The following ITGB5 variants were observed in gnomAD, a reference collection of about 807,000 sequenced individuals.
ITGB5 encodes integrin subunit beta 5.
ITGB5 carries 38 observed loss-of-function variants against 84.8 expected under a neutral mutation model. The observed-to-expected ratio is 0.45, with a 90% CI of 0.35 to 0.59. The LOEUF is 0.59. ITGB5 is among the 20% of genes least tolerant of loss of function. The pLI is 0.01. For synonymous variants in ITGB5, 393 were observed against 414.4 expected (o/e 0.95, Z 0.63); for missense variants, 905 against 1,034.5 (o/e 0.87, Z 1.72).
At chr3:124,811,398 C>T (rs7646206) in intron 8 of ITGB5, among the ~76,000 whole-genome samples, 10,814 of 152,036 alleles carry the variant, frequency 0.071, 934 homozygotes, top group African/African-American at 0.2. Context: ...AATTTATAAC[C>T]GTGAATAAGT....
chr3:124,851,544 G>A (rs553898878), intron 3 of ITGB5, among the ~76,000 whole-genome samples: 5 of 151,204 alleles, frequency 3.3e-5, no homozygotes, highest in Admixed American at 3.3e-4. Context: ...ATCCTAAGAG[G>A]CTATCTATTC....
chr3:124,841,057 T>C (rs2065004042), intron 5 of ITGB5, among the ~76,000 whole-genome samples: 2 of 152,252 alleles, frequency 1.3e-5, no homozygotes, highest in Admixed American at 1.3e-4. Context: ...TCTATGCCTA[T>C]GACTTGACCT....
rs148412736 is a variant in ITGB5 at position 124,856,030 on chromosome 3, C to T, written c.361+3212G>A. ...TTCATCTAGACTGGAGCCTCAAACT[C>T]CTGGGTTCAAGGGATCCTTCCACCT... is the stretch of plus-strand genomic sequence containing the variant. On this transcript the variant is annotated intron_variant, in intron 3 of 14. Transcript: ENST00000296181. 9.4e-3 allele frequency among the ~76,000 whole-genome samples: 1,432 copies of T among 152,116 alleles called. 29 individuals are homozygous for T. Among genetic ancestry groups the T allele is most frequent in the African/African-American group, 0.032 (1,333 of 41,484 alleles).
chr3:124,775,136 C>A (rs866870756), intron 10 of ITGB5, among the ~76,000 whole-genome samples: 11 of 152,152 alleles, frequency 7.2e-5, no homozygotes, highest in Non-Finnish European at 1.6e-4. Flanking sequence ...GGTGGAGAGG[C>A]GGGGGCTGCC....
In ITGB5 at chr3:124,814,132, C is replaced by T. The variant is rs560049453; in HGVS notation, c.1128+3489G>A. Among the ~76,000 whole-genome samples, 14 of 152,176 alleles carry T rather than the reference C, an allele frequency of 9.2e-5. No homozygotes were observed. In the East Asian group the frequency reaches 2.7e-3, roughly 29 times the overall value. On this transcript the variant is annotated intron_variant, in intron 8 of 14. Coordinates refer to ENST00000296181, the MANE Select transcript of ITGB5 (RefSeq NM_002213.5). Reference sequence around the variant, plus strand: ...TTATATTAGGAACTAGGGGCAGAGACCTATATATATATCTTATCGTACCAC... The same window carrying T: ...TTATATTAGGAACTAGGGGCAGAGATCTATATATATATCTTATCGTACCAC...
At chr3:124,861,193 T>C (rs2065292016) in intron 2 of ITGB5, among the ~76,000 whole-genome samples, 1 of 151,724 alleles carries the variant, frequency 6.6e-6, no homozygotes, top group Non-Finnish European at 1.5e-5. Flanking sequence ...GGGTTGTTTT[T>C]TTTTAATAAC....
At position 124,859,395 on chromosome 3, in the gene ITGB5, G is replaced by T; in HGVS notation, c.208C>A (p.Leu70Ile). Residue 70 changes from leucine to isoleucine, a missense_variant, in exon 3 of 15, where the codon CTT becomes ATT. Physicochemically the swap from Leu to Ile is conservative, Grantham distance 5. This residue lies in a region of ITGB5 where 656 missense variants were observed against 734.7 expected (regional missense o/e 0.89). Transcript: ENST00000296181. ...ITSRCDLRAN[L>I]VKNGCGGEIE... is the part of the protein sequence containing the mutation. Reference sequence around the variant, plus strand: ...TCACCTCCACAGCCATTTTTGACAAGGTTTGCCCTCAGATCACACCGAGAG... The same window carrying T: ...TCACCTCCACAGCCATTTTTGACAATGTTTGCCCTCAGATCACACCGAGAG... The T allele has an allele frequency of 6.2e-7, 1 of 1,614,058 alleles. No homozygotes were observed. The highest frequency in any genetic ancestry group is 1.1e-5 in the South Asian group (1 of 91,058).
intron 2 of ITGB5, among the ~76,000 whole-genome samples, chr3:124,861,705 C>T (rs927410247): frequency 1.3e-5 from 2 of 151,822 alleles, no homozygotes; most frequent in African/African-American, 4.8e-5. Context: ...GGGATTACAG[C>T]CACGCACCAC....
intron 5 of ITGB5, among the ~76,000 whole-genome samples, chr3:124,837,072 A>C (rs577344148): frequency 6.6e-6 from 1 of 152,344 alleles, no homozygotes; most frequent in Admixed American, 6.5e-5. Flanking sequence ...CTGTGCAGCC[A>C]GCATGTACCC....
At chr3:124,834,099 G>T (rs2064895053) in intron 5 of ITGB5, among the ~76,000 whole-genome samples, 1 of 152,126 alleles carries the variant, frequency 6.6e-6, no homozygotes, top group South Asian at 2.1e-4. Flanking sequence ...TGGAGCACAG[G>T]GACTTCCGGG....
Position 124,796,482 on chromosome 3 carries a change from G to A in ITGB5, c.1599C>T (p.Cys533=), listed in dbSNP as rs1476922386. Residue 533 remains cysteine, a synonymous_variant, in exon 10 of 15, where the codon TGC becomes TGT. Transcript: ENST00000296181. ...SGRGDCSCNQ[C]SCFESEFGKI... ...TGCCAAACTCGCTCTCGAAGCAGGA[G>A]CACTGGTTGCAGCTGCAGTCCCCAC... The A allele has an allele frequency of 4.3e-6, 7 of 1,614,016 alleles. No homozygotes were observed. The highest frequency in any genetic ancestry group is 2.7e-5 in the African/African-American group (2 of 74,934).
chr3:124,873,150 T>C lies in ITGB5; in HGVS notation c.156+296A>G, dbSNP rs1244110540. Among the ~76,000 whole-genome samples, 6 of 152,318 alleles carry C rather than the reference T, an allele frequency of 3.9e-5. No individual in the cohort carries two copies. The South Asian group carries it at 1.0e-3, about 26-fold the overall frequency. ...AAGCTCAGGTCTTTTGGAGTTCTTA[T>C]ACCAAAGATCAGAAAACTATAGATG... On this transcript the variant is annotated intron_variant, in intron 2 of 14. Coordinates refer to ENST00000296181, the MANE Select transcript of ITGB5 (RefSeq NM_002213.5).
intron 6 of ITGB5, 80 bp from the exon 7 acceptor site, chr3:124,819,914 C>A: frequency 1.9e-6 from 2 of 1,048,022 alleles, no homozygotes; most frequent in Non-Finnish European, 3.0e-6. Flanking sequence ...GCACAGTCAG[C>A]AGCCAGCATT....
chr3:124,865,483 T>TTTC lies in ITGB5; in HGVS notation c.157-6038_157-6037insGAA, dbSNP rs1345731924. Among the ~76,000 whole-genome samples the TTTC allele has an allele frequency of 6.9e-4, 87 of 126,576 alleles. 1 individual carries two copies. Among genetic ancestry groups the TTTC allele is most frequent in the African/African-American group, 2.9e-3 (86 of 29,472 alleles). 83.0% of individuals were successfully genotyped at this position (126,576 alleles called of 152,430 possible). The stretch of plus-strand genomic sequence containing the variant: ...GAAGTGTCCTTTGCGGCTTTTTTCT[T>TTTC]TTTTTTTTTTTTTTTTTTTGAGAGA... On this transcript the variant is annotated intron_variant, in intron 2 of 14. Transcript: ENST00000296181.
At chr3:124,808,340 T>C (rs923878762) in intron 9 of ITGB5, among the ~76,000 whole-genome samples, 9 of 152,218 alleles carry the variant, frequency 5.9e-5, no homozygotes, top group African/African-American at 2.2e-4. Context: ...GCTCATGATC[T>C]GCTTCTAGCA....
At chr3:124,818,972 A>G (rs2064654920) in intron 7 of ITGB5, among the ~76,000 whole-genome samples, 1 of 152,202 alleles carries the variant, frequency 6.6e-6, no homozygotes, top group Non-Finnish European at 1.5e-5. Flanking sequence ...ACGTAAAAGA[A>G]TCTCAGAGAC....
chr3:124,891,767 T>C (rs1254564694), upstream of ITGB5, among the ~76,000 whole-genome samples: 1 of 150,966 alleles, frequency 6.6e-6, no homozygotes, highest in Non-Finnish European at 1.5e-5. Context: ...TACAAAAAAA[T>C]ACAAAAATTA....
chr3:124,856,177 C>T (rs772138914), intron 3 of ITGB5, among the ~76,000 whole-genome samples: 1 of 152,204 alleles, frequency 6.6e-6, no homozygotes, highest in Non-Finnish European at 1.5e-5. Flanking sequence ...TAAGCCACCA[C>T]ACCCGGCCTT....
intron 3 of ITGB5, among the ~76,000 whole-genome samples, chr3:124,855,172 G>A (rs967144491): frequency 2.0e-5 from 3 of 152,062 alleles, no homozygotes; most frequent in African/African-American, 7.2e-5. Flanking sequence ...AATTAGCCAG[G>A]TGTGGTGGTG....
Sources: gnomAD v4.1 joint callset for allele counts (sites outside exome capture counted in the v4.1 genomes callset) on GRCh38, gnomAD v4.1.1 for gene constraint, gnomAD v4.1.1 regional missense constraint, MANE v1.5 for transcripts, NCBI Gene and HGNC (gene_info 2026-07-23, HGNC 2026-07-21) for gene names.